SH3RF3: variants seen among roughly 807,000 people sequenced by gnomAD.
SH3RF3 encodes the protein SH3 domain containing ring finger 3, also known as E3 ubiquitin-protein ligase SH3RF3.
A neutral mutation model predicts 66.3 loss-of-function variants in SH3RF3; 29 were observed. The observed-to-expected ratio is 0.44, with a 90% confidence interval of 0.33 to 0.60. The LOEUF (loss-of-function observed/expected upper bound fraction) is 0.60. Ranked by LOEUF, SH3RF3 falls within the 20% of genes least tolerant of loss-of-function variation. The probability of loss-of-function intolerance (pLI) is 0.04; values close to 1 mark genes in which losing one functional copy is unlikely to be tolerated. For synonymous variants in SH3RF3, 583 were observed against 532.0 expected (o/e 1.10, Z -1.32); for missense variants, 1,194 against 1,190.9 (o/e 1.00, Z -0.04).
intron 1 of SH3RF3, among the ~76,000 whole-genome samples, chr2:109,335,274 C>G (rs553801724): frequency 6.4e-4 from 97 of 152,354 alleles, no homozygotes; most frequent in Middle Eastern, 3.4e-3. Flanking sequence ...GAGAACGGCT[C>G]TTTCTAGCAT....
rs566896528 is a variant in SH3RF3 at position 109,238,193 on chromosome 2, T to TGG, written c.573+108081_573+108082insGG. ...CTAGCTTGGGTGACAGAGTGAAGCC[T>TGG]GTCTCTTAAAAAAAAATAATAAAAT... On this transcript the variant is annotated intron_variant, in intron 1 of 9. Coordinates refer to ENST00000309415, the MANE Select transcript of SH3RF3 (RefSeq NM_001099289.3). Among the ~76,000 whole-genome samples, 420 of 152,250 alleles carry TGG rather than the reference T, an allele frequency of 2.8e-3. 4 individuals carry two copies. Among genetic ancestry groups the TGG allele is most frequent in the African/African-American group, 9.7e-3 (404 of 41,536 alleles).
intron 1 of SH3RF3, among the ~76,000 whole-genome samples, chr2:109,318,305 G>A (rs539210608): frequency 4.6e-5 from 7 of 152,128 alleles, no homozygotes; most frequent in East Asian, 2.0e-4. Flanking sequence ...TCCTCCTAGC[G>A]TGACTGGCTG....
intron 3 of SH3RF3, among the ~76,000 whole-genome samples, chr2:109,390,101 G>A (rs978370832): frequency 6.6e-6 from 1 of 152,194 alleles, no homozygotes; most frequent in Non-Finnish European, 1.5e-5. Flanking sequence ...GGATTTAAGT[G>A]TCTACCGGAG....
chr2:109,458,677 G>C (rs1313198900), intron 8 of SH3RF3, among the ~76,000 whole-genome samples: 1 of 152,080 alleles, frequency 6.6e-6, no homozygotes. Context: ...CAGCAGGCTG[G>C]ACCCTCAGTC....
intron 8 of SH3RF3, among the ~76,000 whole-genome samples, chr2:109,484,572 C>T (rs893996981): frequency 6.6e-6 from 1 of 152,212 alleles, no homozygotes; most frequent in Non-Finnish European, 1.5e-5. Context: ...ACCTCCTGCC[C>T]TATCAGCTAA....
chr2:109,345,421 A>G (rs752184608), intron 1 of SH3RF3, among the ~76,000 whole-genome samples: 16 of 152,226 alleles, frequency 1.1e-4, no homozygotes, highest in Admixed American at 3.9e-4. Flanking sequence ...CTTCCTGCCC[A>G]CTGTTGTTAC....
At chr2:109,306,025 G>A (rs185470264) in intron 1 of SH3RF3, among the ~76,000 whole-genome samples, 2 of 152,346 alleles carry the variant, frequency 1.3e-5, no homozygotes, top group African/African-American at 4.8e-5. Flanking sequence ...CTTCAGGAGT[G>A]ATTCGCTGCC....
chr2:109,441,183 A>C (rs1305010755), intron 7 of SH3RF3, among the ~76,000 whole-genome samples: 1 of 152,046 alleles, frequency 6.6e-6, no homozygotes, highest in Non-Finnish European at 1.5e-5. Flanking sequence ...ACAATGTCTG[A>C]TGTCCAATAA....
chr2:109,168,073 A>G (rs1034928054), intron 1 of SH3RF3, among the ~76,000 whole-genome samples: 2 of 152,218 alleles, frequency 1.3e-5, no homozygotes, highest in African/African-American at 2.4e-5. Flanking sequence ...CTAAAATGAA[A>G]TCATCCTACA....
chr2:109,374,565 G>A (rs1353445538), intron 3 of SH3RF3, among the ~76,000 whole-genome samples: 2 of 152,188 alleles, frequency 1.3e-5, no homozygotes, highest in African/African-American at 4.8e-5. Flanking sequence ...CCACCTGCCA[G>A]GAGGGAGCCT....
chr2:109,262,105 G>C (rs1283178858), intron 1 of SH3RF3, among the ~76,000 whole-genome samples: 1 of 152,182 alleles, frequency 6.6e-6, no homozygotes, highest in African/African-American at 2.4e-5. Context: ...AGGTGCCCTC[G>C]GCCTCAGGGC....
chr2:109,233,475 C>A (rs1679567814), intron 1 of SH3RF3, among the ~76,000 whole-genome samples: 2 of 152,164 alleles, frequency 1.3e-5, no homozygotes, highest in African/African-American at 4.8e-5. Context: ...TCTGCCAGTG[C>A]AGTTTGGGGG....
chr2:109,397,821 C>T (rs567254599), intron 3 of SH3RF3, among the ~76,000 whole-genome samples: 4 of 152,348 alleles, frequency 2.6e-5, no homozygotes, highest in Non-Finnish European at 4.4e-5. Context: ...TGCTCATGGA[C>T]TTGAACCTTC....
chr2:109,390,497 G>A (rs1377140154), intron 3 of SH3RF3, among the ~76,000 whole-genome samples: 2 of 151,250 alleles, frequency 1.3e-5, no homozygotes, highest in Non-Finnish European at 1.5e-5. Flanking sequence ...AAATGACAAT[G>A]TAGATTGCCA....
chr2:109,470,615 C>G (rs1678479212), intron 8 of SH3RF3, among the ~76,000 whole-genome samples: 1 of 152,188 alleles, frequency 6.6e-6, no homozygotes, highest in South Asian at 2.1e-4. Flanking sequence ...GCAGTTACAC[C>G]AAGCTCCCTG....
chr2:109,192,023 T>TGGC (rs1341175311), intron 1 of SH3RF3, among the ~76,000 whole-genome samples: 1 of 152,202 alleles, frequency 6.6e-6, no homozygotes, highest in Non-Finnish European at 1.5e-5. Flanking sequence ...GCAGTCATTT[T>TGGC]GGCGAACACA....
At chr2:109,343,436 C>G (rs1682603159) in intron 1 of SH3RF3, among the ~76,000 whole-genome samples, 1 of 152,000 alleles carries the variant, frequency 6.6e-6, no homozygotes, top group South Asian at 2.1e-4. Context: ...TGGTTTTGCT[C>G]TGTCCAATCT....
At chr2:109,142,918 A>G (rs374191262) in intron 1 of SH3RF3, among the ~76,000 whole-genome samples, 8 of 152,092 alleles carry the variant, frequency 5.3e-5, no homozygotes, top group African/African-American at 1.9e-4. Context: ...CAAGGTGACA[A>G]TTGTCGTGCT....
chr2:109,493,443 G>A (rs942523122), intron 9 of SH3RF3, among the ~76,000 whole-genome samples: 3 of 148,302 alleles, frequency 2.0e-5, no homozygotes, highest in African/African-American at 7.5e-5. Flanking sequence ...ACACACATGT[G>A]CAAACACACT....
Sources: gnomAD v4.1 joint callset for allele counts (sites outside exome capture counted in the v4.1 genomes callset) on GRCh38, gnomAD v4.1.1 for gene constraint, MANE v1.5 for transcripts, NCBI Gene and HGNC (gene_info 2026-07-23, HGNC 2026-07-21) for gene names.